The following ATXN7L1 variants were observed in gnomAD, a reference collection of about 807,000 sequenced individuals.
The protein encoded by ATXN7L1 is ataxin 7 like 1, also known as ataxin-7-like protein 1.
Under a neutral mutation model 70.8 loss-of-function variants are expected in ATXN7L1, and 15 were observed. The ratio of observed to expected loss-of-function variants is 0.21; its 90% CI spans 0.14 to 0.33. The LOEUF is 0.33. ATXN7L1 is among the 10% of genes least tolerant of loss of function. The pLI is 1.00. For missense variants in ATXN7L1, 975 were observed against 1,097.1 expected (o/e 0.89, Z 1.57); for synonymous variants, 440 against 445.1 (o/e 0.99, Z 0.14).
intron 7 of ATXN7L1, among the ~76,000 whole-genome samples, chr7:105,632,921 T>TAAAA (rs11417434): frequency 5.2e-3 from 312 of 60,008 alleles, no homozygotes; most frequent in Middle Eastern, 0.023. Context: ...ATCTTGTCTT[T>TAAAA]AAAAAAAAAA....
At position 105,816,372 on chromosome 7, in the gene ATXN7L1, A is replaced by C. The variant is rs549754680; in HGVS notation, c.251-27664T>G. Among the ~76,000 whole-genome samples, 60 of 152,306 alleles carry C rather than the reference A, an allele frequency of 3.9e-4. No individual in the cohort carries two copies. In the South Asian group the frequency reaches 5.6e-3, roughly 14 times the overall value. On this transcript the variant is annotated intron_variant, in intron 2 of 11. Coordinates refer to ENST00000419735, the MANE Select transcript of ATXN7L1 (RefSeq NM_020725.2). Reference sequence around the variant, plus strand: ...ATTTAATGAGGAATGCACTGCCTTGAAACTGAAATTTTTATAGACACTAGC... The same window carrying C: ...ATTTAATGAGGAATGCACTGCCTTGCAACTGAAATTTTTATAGACACTAGC...
intron 3 of ATXN7L1, among the ~76,000 whole-genome samples, chr7:105,722,849 C>A (rs1795358492): frequency 1.3e-5 from 2 of 151,670 alleles, no homozygotes; most frequent in Admixed American, 6.6e-5. Context: ...TGCACCACTG[C>A]ATTCCAGCCT....
intron 3 of ATXN7L1, among the ~76,000 whole-genome samples, chr7:105,685,576 G>T (rs1310333278): frequency 6.6e-6 from 1 of 152,170 alleles, no homozygotes; most frequent in African/African-American, 2.4e-5. Flanking sequence ...AAAGGAGTGG[G>T]TCTTCCTACC....
intron 2 of ATXN7L1, among the ~76,000 whole-genome samples, chr7:105,817,963 G>A (rs1385403376): frequency 6.6e-6 from 1 of 152,126 alleles, no homozygotes; most frequent in African/African-American, 2.4e-5. Flanking sequence ...GCTATAGAAT[G>A]TTCTTTGTGC....
At chr7:105,647,167 G>C (rs555784401) in intron 4 of ATXN7L1, among the ~76,000 whole-genome samples, 4 of 152,312 alleles carry the variant, frequency 2.6e-5, no homozygotes, top group South Asian at 4.1e-4. Flanking sequence ...AGTTAGTTCA[G>C]GAAAGGAAAT....
intron 9 of ATXN7L1, among the ~76,000 whole-genome samples, chr7:105,619,680 T>C (rs1299117687): frequency 6.6e-6 from 1 of 150,540 alleles, no homozygotes; most frequent in Non-Finnish European, 1.5e-5. Context: ...GCCTTTCAAG[T>C]AGCTAGGATC....
At chr7:105,721,615 A>G (rs1795196139) in intron 3 of ATXN7L1, among the ~76,000 whole-genome samples, 1 of 152,238 alleles carries the variant, frequency 6.6e-6, no homozygotes, top group Non-Finnish European at 1.5e-5. Flanking sequence ...CGAGGCTTGC[A>G]CTAACTTGGG....
chr7:105,661,951 C>A (rs1801673535), intron 4 of ATXN7L1, among the ~76,000 whole-genome samples: 1 of 152,170 alleles, frequency 6.6e-6, no homozygotes, highest in Non-Finnish European at 1.5e-5. Flanking sequence ...CTATCTCTCT[C>A]CTTACAAATC....
chr7:105,628,516 G>A (rs1263577234), intron 7 of ATXN7L1, among the ~76,000 whole-genome samples: 1 of 151,944 alleles, frequency 6.6e-6, no homozygotes, highest in African/African-American at 2.4e-5. Context: ...GTGGCCGGGC[G>A]CAGTGGCTCA....
At chr7:105,661,513 T>C (rs1213754564) in intron 4 of ATXN7L1, among the ~76,000 whole-genome samples, 5 of 152,126 alleles carry the variant, frequency 3.3e-5, no homozygotes, top group African/African-American at 7.2e-5. Context: ...GGCTTGAAAA[T>C]GAGACTCAGA....
intron 3 of ATXN7L1, among the ~76,000 whole-genome samples, chr7:105,747,035 T>C (rs114435639): frequency 4.7e-4 from 71 of 152,342 alleles, no homozygotes; most frequent in African/African-American, 1.7e-3. Context: ...TGTGATATTG[T>C]GAACTATATA....
intron 2 of ATXN7L1, chr7:105,819,521 T>TG (rs1193787383): frequency 7.5e-7 from 1 of 1,331,914 alleles, no homozygotes; most frequent in African/African-American, 1.5e-5. Flanking sequence ...TGGTGCTTGA[T>TG]GGTCGAGGCC....
chr7:105,762,561 C>A (rs542969663), intron 3 of ATXN7L1, among the ~76,000 whole-genome samples: 2 of 152,288 alleles, frequency 1.3e-5, no homozygotes, highest in African/African-American at 2.4e-5. Context: ...CCTTCCCCTA[C>A]CCAATCACCT....
At chr7:105,799,901 C>G (rs1406301143) in intron 2 of ATXN7L1, among the ~76,000 whole-genome samples, 1 of 152,162 alleles carries the variant, frequency 6.6e-6, no homozygotes, top group African/African-American at 2.4e-5. Flanking sequence ...CAGAACCACT[C>G]CAGCTGGACT....
intron 4 of ATXN7L1, among the ~76,000 whole-genome samples, chr7:105,664,521 C>T (rs547324122): frequency 2.2e-5 from 3 of 138,826 alleles, no homozygotes; most frequent in Non-Finnish European, 4.6e-5. Context: ...TATATATATA[C>T]ATATGTATAA....
chr7:105,760,172 T>C lies in ATXN7L1; in HGVS notation c.355+28432A>G, dbSNP rs1193518625. 4.1e-6 allele frequency: 4 copies of C among 980,264 alleles called. No homozygotes were observed. In the Admixed American group the frequency reaches 2.5e-4, roughly 60 times the overall value. The allele number at this position is 980,264 out of a possible 1,614,324, so 60.7% of individuals were successfully genotyped here. A position where few individuals can be genotyped will look rare whatever the true frequency, so the allele number is the denominator to read the frequency against. On this transcript the variant is annotated intron_variant, in intron 3 of 11. Coordinates refer to ENST00000419735, the MANE Select transcript of ATXN7L1 (RefSeq NM_020725.2). ...GGCCCCCTAACTGTTAATCTGTCTG[T>C]CCATCTATCCAACCATCCACCCATC...
intron 5 of ATXN7L1, among the ~76,000 whole-genome samples, chr7:105,641,215 T>A (rs13235552): frequency 1.9e-4 from 3 of 16,122 alleles, no homozygotes; most frequent in Non-Finnish European, 3.1e-4. Context: ...TCTCTCTCTC[T>A]TTTTTTTTTT....
chr7:105,668,795 T>G (rs2116088416), intron 3 of ATXN7L1, among the ~76,000 whole-genome samples: 1 of 152,166 alleles, frequency 6.6e-6, no homozygotes, highest in African/African-American at 2.4e-5. Flanking sequence ...TCCTGGCACT[T>G]TGGCTGGCCA....
chr7:105,798,076 A>G (rs1344348070), intron 2 of ATXN7L1, among the ~76,000 whole-genome samples: 1 of 152,266 alleles, frequency 6.6e-6, no homozygotes, highest in East Asian at 1.9e-4. Flanking sequence ...ATCTAAGATT[A>G]CGAGGTCAAT....
Sources: gnomAD v4.1 joint callset for allele counts (sites outside exome capture counted in the v4.1 genomes callset) on GRCh38, gnomAD v4.1.1 for gene constraint, MANE v1.5 for transcripts, NCBI Gene and HGNC (gene_info 2026-07-23, HGNC 2026-07-21) for gene names.